DDHD1: variants seen among roughly 807,000 people sequenced by gnomAD.
DDHD1 encodes the protein DDHD domain containing 1.
A neutral mutation model predicts 96.4 loss-of-function variants in DDHD1; 49 were observed. The ratio of observed to expected loss-of-function variants is 0.51; its 90% CI spans 0.40 to 0.64. DDHD1 has a LOEUF of 0.64. DDHD1 is among the 30% of genes least tolerant of loss of function. DDHD1 has a pLI of 0.00. For synonymous variants in DDHD1, 442 were observed against 446.5 expected (o/e 0.99, Z 0.13); for missense variants, 1,106 against 1,161.2 (o/e 0.95, Z 0.69).
chr14:53,145,190 G>A (rs1457131598), intron 1 of DDHD1, among the ~76,000 whole-genome samples: 1 of 151,926 alleles, frequency 6.6e-6, no homozygotes, highest in East Asian at 1.9e-4. Flanking sequence ...TCCATGGCAC[G>A]TGTTTTAAAA....
In DDHD1 at chr14:53,041,423, A is replaced by G. The variant is rs1163228581; in HGVS notation, c.*5345T>C. On this transcript the variant is annotated 3_prime_UTR_variant, in exon 13 of 13. Coordinates refer to ENST00000673822, the MANE Select transcript of DDHD1 (RefSeq NM_001160148.2). The stretch of plus-strand genomic sequence containing the variant: ...ACACCAAAAAACAAAACAAAACACA[A>G]TAGTAAAAACTCTTCTCATAGTCTC... 1 of 152,118 alleles carries G rather than the reference A, an allele frequency of 6.6e-6. No homozygotes were observed. Among genetic ancestry groups the G allele is most frequent in the African/African-American group, 2.4e-5 (1 of 41,402 alleles). 9.4% of individuals were successfully genotyped at this position (152,118 alleles called of 1,614,324 possible).
At chr14:53,078,244 G>A (rs957531974) in intron 4 of DDHD1, among the ~76,000 whole-genome samples, 4 of 152,128 alleles carry the variant, frequency 2.6e-5, no homozygotes, top group African/African-American at 9.7e-5. Flanking sequence ...CAAGAAACAT[G>A]TAAGGGTTGT....
At chr14:53,065,420 G>T (rs1307082401) in intron 6 of DDHD1, among the ~76,000 whole-genome samples, 1 of 152,050 alleles carries the variant, frequency 6.6e-6, no homozygotes, top group Non-Finnish European at 1.5e-5. Flanking sequence ...CTATTAAAAA[G>T]AGAGTTCAGA....
intron 1 of DDHD1, among the ~76,000 whole-genome samples, chr14:53,122,997 A>G (rs188086346): frequency 1.1e-4 from 16 of 152,178 alleles, no homozygotes; most frequent in Non-Finnish European, 1.9e-4. Flanking sequence ...AAATATGCTC[A>G]GATTCACCGG....
At position 53,153,183 on chromosome 14, in the gene DDHD1, C is replaced by G; in HGVS notation, c.-85G>C. On this transcript the variant is annotated 5_prime_UTR_variant, in exon 1 of 13. Transcript: ENST00000673822. ...GCCACACATTCAACGCCGCCGCCCT[C>G]TCCACCCGAAGTTTCTAATCTTTCA... 3 of 1,183,522 alleles carry G rather than the reference C, an allele frequency of 2.5e-6. No homozygotes were observed. Among genetic ancestry groups the G allele is most frequent in the Non-Finnish European group, 3.3e-6 (3 of 910,792 alleles). The allele number at this position is 1,183,522 out of a possible 1,614,324, so 73.3% of individuals were successfully genotyped here.
chr14:53,092,114 C>A, intron 3 of DDHD1, 182 bp from the exon 4 acceptor site: 1 of 421,152 alleles, frequency 2.4e-6, no homozygotes, highest in Non-Finnish European at 4.1e-6. Context: ...GTGAACTGGA[C>A]ACAACACCAA....
intron 4 of DDHD1, among the ~76,000 whole-genome samples, chr14:53,074,818 G>C (rs1016527944): frequency 2.6e-4 from 39 of 152,088 alleles, no homozygotes; most frequent in African/African-American, 9.2e-4. Context: ...CTGAAGGTCT[G>C]TGGCAACCTT....
intron 5 of DDHD1, 24 bp downstream of exon 5, chr14:53,073,717 C>A: frequency 6.4e-7 from 1 of 1,571,964 alleles, no homozygotes; most frequent in Non-Finnish European, 8.6e-7. Context: ...TTGGCTAAAT[C>A]ATTCAATTTT....
chr14:53,118,394 A>C (rs145561800), intron 1 of DDHD1, among the ~76,000 whole-genome samples: 2,962 of 152,292 alleles, frequency 0.019, 104 homozygotes, highest in African/African-American at 0.068. Context: ...AACCCATCAC[A>C]AGAAAGCTAA....
intron 12 of DDHD1, chr14:53,048,737 A>C (rs1882269117): frequency 6.6e-6 from 1 of 152,236 alleles, no homozygotes; most frequent in African/African-American, 2.4e-5. Context: ...AAATGTCTTA[A>C]TCTTTTGTAT....
chr14:53,038,504 A>G lies in DDHD1; in HGVS notation c.*8264T>C, dbSNP rs1881420810. ...CAAGGAGAACTACAAAACATGGCAGAAAGAAATCAGGGATGAAACCAAAAA... is the reference window on the plus strand; with the variant it reads ...CAAGGAGAACTACAAAACATGGCAGGAAGAAATCAGGGATGAAACCAAAAA... On this transcript the variant is annotated 3_prime_UTR_variant, in exon 13 of 13. Transcript: ENST00000673822. The G allele has an allele frequency of 6.6e-6, 1 of 152,336 alleles. No homozygotes were observed. Among genetic ancestry groups the G allele is most frequent in the South Asian group, 2.1e-4 (1 of 4,830 alleles). The allele number at this position is 152,336 out of a possible 1,614,324, so 9.4% of individuals were successfully genotyped here.
intron 1 of DDHD1, among the ~76,000 whole-genome samples, chr14:53,121,922 T>TAAA (rs10673927): frequency 0.54 from 78,709 of 146,064 alleles, 23,126 homozygotes; most frequent in South Asian, 0.7. Context: ...CCCAGAACGT[T>TAAA]AAAAAAAAAA....
Position 53,063,371 on chromosome 14 carries a change from G to A in DDHD1, c.1504-166C>T, listed in dbSNP as rs542610981. 7.9e-5 allele frequency among the ~76,000 whole-genome samples: 12 copies of A among 151,892 alleles called. No homozygotes were observed. In the East Asian group the frequency reaches 1.9e-3, roughly 24 times the overall value. On this transcript the variant is annotated intron_variant, in intron 6 of 12. Transcript: ENST00000673822. ...TCAAAATCTTGCAGGAATGAAGTAA[G>A]GTATACATACTATTATAATCCATAT...
chr14:53,083,145 G>T (rs1885636462), intron 4 of DDHD1, among the ~76,000 whole-genome samples: 1 of 80,116 alleles, frequency 1.2e-5, no homozygotes, highest in South Asian at 7.3e-4. Context: ...TGTCACTATT[G>T]TTTATTCTCC....
At position 53,086,169 on chromosome 14, in the gene DDHD1, G is replaced by A. The variant is rs1037782162; in HGVS notation, c.1289+5616C>T. Among the ~76,000 whole-genome samples, 9 of 152,210 alleles carry A rather than the reference G, an allele frequency of 5.9e-5. No individual in the cohort carries two copies. The East Asian group carries it at 7.7e-4, about 13-fold the overall frequency. On this transcript the variant is annotated intron_variant, in intron 4 of 12. Coordinates refer to ENST00000673822, the MANE Select transcript of DDHD1 (RefSeq NM_001160148.2). ...GACTATGTGAAAAGACCAAATCTAC[G>A]TCTGACTGGTGTACCTGAAAGTGAC...
chr14:53,144,748 A>C (rs1890861423), intron 1 of DDHD1, among the ~76,000 whole-genome samples: 1 of 152,222 alleles, frequency 6.6e-6, no homozygotes, highest in African/African-American at 2.4e-5. Context: ...GTTGCTATTA[A>C]GTAGTTGCAG....
chr14:53,127,957 G>C (rs1185662854), intron 1 of DDHD1, among the ~76,000 whole-genome samples: 3 of 152,192 alleles, frequency 2.0e-5, no homozygotes, highest in Non-Finnish European at 1.5e-5. Context: ...TAATCTTCAC[G>C]TGTTGGGGGA....
intron 2 of DDHD1, among the ~76,000 whole-genome samples, chr14:53,100,779 T>C (rs950164291): frequency 7.9e-5 from 12 of 152,234 alleles, no homozygotes; most frequent in African/African-American, 2.9e-4. Context: ...GAATATAGTA[T>C]TTTAAAATGT....
At chr14:53,052,333 T>A (rs545967418) in intron 11 of DDHD1, among the ~76,000 whole-genome samples, 1 of 152,132 alleles carries the variant, frequency 6.6e-6, no homozygotes, top group Admixed American at 6.5e-5. Flanking sequence ...GTTCTTCACA[T>A]AAAGAAACAG....
Sources: gnomAD v4.1 joint callset for allele counts (sites outside exome capture counted in the v4.1 genomes callset) on GRCh38, gnomAD v4.1.1 for gene constraint, MANE v1.5 for transcripts, NCBI Gene and HGNC (gene_info 2026-07-23, HGNC 2026-07-21) for gene names.